The following CNKSR3 variants were observed in gnomAD, a reference collection of about 807,000 sequenced individuals.
CNKSR3 encodes the protein CNKSR family member 3.
A neutral mutation model predicts 67.7 loss-of-function variants in CNKSR3; 36 were observed. That is an observed-to-expected ratio of 0.53 (90% CI 0.41 to 0.70). CNKSR3 has a LOEUF of 0.70. CNKSR3 is among the 30% of genes least tolerant of loss of function. The pLI, the probability that CNKSR3 is intolerant of heterozygous loss-of-function variation, is 0.00. For missense variants in CNKSR3, 630 were observed against 695.2 expected, an observed-to-expected ratio of 0.91 and a Z score of 1.05; for synonymous variants, 281 against 271.4, an observed-to-expected ratio of 1.04 and a Z score of -0.35.
chr6:154,436,742 C>T (rs9384218), intron 4 of CNKSR3, among the ~76,000 whole-genome samples: 9,688 of 152,056 alleles, frequency 0.064, 526 homozygotes, highest in East Asian at 0.21. Context: ...TCATGGCATC[C>T]GACATGAGGA....
intron 4 of CNKSR3, among the ~76,000 whole-genome samples, chr6:154,435,978 C>T (rs1187369204): frequency 3.9e-5 from 6 of 152,084 alleles, no homozygotes; most frequent in African/African-American, 9.7e-5. Flanking sequence ...TGATGGCACG[C>T]GTCAAGCGTG....
intron 1 of CNKSR3, among the ~76,000 whole-genome samples, chr6:154,475,001 T>C (rs1262397391): frequency 1.3e-5 from 2 of 152,194 alleles, no homozygotes; most frequent in Non-Finnish European, 2.9e-5. Context: ...TTACTGAGCA[T>C]ATACTATGTT....
chr6:154,485,358 CA>C (rs1380574352), intron 1 of CNKSR3, among the ~76,000 whole-genome samples: 1 of 152,184 alleles, frequency 6.6e-6, no homozygotes, highest in Admixed American at 6.5e-5. Context: ...TTGGCGCATA[CA>C]GAATTTTCCA....
intron 1 of CNKSR3, among the ~76,000 whole-genome samples, chr6:154,481,022 T>C (rs1786555520): frequency 6.6e-6 from 1 of 152,204 alleles, no homozygotes; most frequent in South Asian, 2.1e-4. Flanking sequence ...CTTATGCTTA[T>C]TTGATATTTA....
At chr6:154,467,568 A>G (rs76582191) in intron 1 of CNKSR3, among the ~76,000 whole-genome samples, 1 of 152,332 alleles carries the variant, frequency 6.6e-6, no homozygotes, top group African/African-American at 2.4e-5. Flanking sequence ...CGTAAGAGGT[A>G]ACTCCTTGAA....
intron 12 of CNKSR3, among the ~76,000 whole-genome samples, chr6:154,408,877 TGGAGG>T (rs1784854543): frequency 1.3e-5 from 2 of 152,008 alleles, no homozygotes; most frequent in South Asian, 2.1e-4. Context: ...CAAGGAGGAG[TGGAGG>T]GAACAAGTAT....
At chr6:154,481,894 T>C (rs971145406) in intron 1 of CNKSR3, among the ~76,000 whole-genome samples, 3 of 152,170 alleles carry the variant, frequency 2.0e-5, no homozygotes, top group East Asian at 1.9e-4. Context: ...GTCCCATCAG[T>C]GGGTTTGCTG....
chr6:154,421,779 T>G (rs1162691704), intron 9 of CNKSR3, among the ~76,000 whole-genome samples: 1 of 152,178 alleles, frequency 6.6e-6, no homozygotes, highest in East Asian at 1.9e-4. Flanking sequence ...TCATGTGGTC[T>G]CTCCAGGATT....
chr6:154,446,645 C>T (rs1785712622), intron 2 of CNKSR3, among the ~76,000 whole-genome samples: 2 of 152,110 alleles, frequency 1.3e-5, no homozygotes, highest in African/African-American at 4.8e-5. Context: ...CATTTAACCC[C>T]AAGTCTAGGT....
At chr6:154,471,336 G>A (rs1304335550) in intron 1 of CNKSR3, among the ~76,000 whole-genome samples, 3 of 152,084 alleles carry the variant, frequency 2.0e-5, no homozygotes, top group Non-Finnish European at 2.9e-5. Flanking sequence ...TCAAGAGTTC[G>A]AGACCAGCCT....
intron 7 of CNKSR3, among the ~76,000 whole-genome samples, chr6:154,425,916 G>A (rs901747674): frequency 6.6e-6 from 1 of 152,190 alleles, no homozygotes; most frequent in African/African-American, 2.4e-5. Context: ...CCTGGAGCTG[G>A]CACTTTCTAC....
intron 12 of CNKSR3, among the ~76,000 whole-genome samples, chr6:154,407,872 G>GAAAA (rs56406534): frequency 0.22 from 14,889 of 68,588 alleles, 3,609 homozygotes; most frequent in Non-Finnish European, 0.28. Context: ...TTTAGAATTT[G>GAAAA]AAAAAAAAAA....
At chr6:154,434,701 T>TA (rs1267870045) in intron 4 of CNKSR3, among the ~76,000 whole-genome samples, 1 of 152,038 alleles carries the variant, frequency 6.6e-6, no homozygotes, top group South Asian at 2.1e-4. Context: ...AGAAAAGACT[T>TA]AAAAAAAATA....
intron 10 of CNKSR3, among the ~76,000 whole-genome samples, chr6:154,413,162 AC>A (rs1377289363): frequency 5.7e-4 from 87 of 152,028 alleles, no homozygotes; most frequent in African/African-American, 1.9e-3. Flanking sequence ...ACACACACAC[AC>A]ACACACACAC....
Position 154,395,442 on chromosome 6 carries a change from GTATCTCC to G in CNKSR3, c.*10905_*10911del. ...CTTTGTTGAACTGCATCATAATTGA[GTATCTCC>G]TGCTACTTGTTATCTTTTTGCAGTG... is the stretch of plus-strand genomic sequence containing the variant. On this transcript the variant is annotated 3_prime_UTR_variant, in exon 13 of 13. Transcript: ENST00000607772. 1 of 152,282 alleles carries G rather than the reference GTATCTCC, an allele frequency of 6.6e-6. No homozygotes were observed. The highest frequency in any genetic ancestry group is 1.5e-5 in the Non-Finnish European group (1 of 68,016). 9.4% of individuals were successfully genotyped at this position (152,282 alleles called of 1,614,324 possible).
rs527860363 is a variant in CNKSR3 at position 154,413,018 on chromosome 6, G to C, written c.1070+1281C>G. Among the ~76,000 whole-genome samples the C allele has an allele frequency of 3.9e-5, 6 of 152,052 alleles. No individual in the cohort carries two copies. The East Asian group carries it at 1.2e-3, about 29-fold the overall frequency. On this transcript the variant is annotated intron_variant, in intron 10 of 12. Coordinates refer to ENST00000607772, the MANE Select transcript of CNKSR3 (RefSeq NM_173515.4). ...ATCAACATATATAAATATGTGAGTT[G>C]ATAAAAATAAGCCTAGATCACACCT...
intron 1 of CNKSR3, among the ~76,000 whole-genome samples, chr6:154,488,535 T>C (rs1020175428): frequency 5.3e-5 from 8 of 152,222 alleles, no homozygotes; most frequent in African/African-American, 1.9e-4. Flanking sequence ...ACGAAAAAGA[T>C]ACTAATCCAC....
chr6:154,484,240 G>A (rs1296864176), intron 1 of CNKSR3, among the ~76,000 whole-genome samples: 1 of 152,138 alleles, frequency 6.6e-6, no homozygotes, highest in Non-Finnish European at 1.5e-5. Context: ...AAAAAACATG[G>A]AATCCATAGT....
intron 10 of CNKSR3, 87 bp downstream of exon 10, chr6:154,414,212 C>T (rs1217243413): frequency 1.4e-6 from 2 of 1,406,530 alleles, no homozygotes; most frequent in Non-Finnish European, 1.9e-6. Context: ...TCAGCAACTT[C>T]CTCTCTCAAG....
Sources: gnomAD v4.1 joint callset for allele counts (sites outside exome capture counted in the v4.1 genomes callset) on GRCh38, gnomAD v4.1.1 for gene constraint, MANE v1.5 for transcripts, NCBI Gene and HGNC (gene_info 2026-07-23, HGNC 2026-07-21) for gene names.